The following ITGBL1 variants were observed in gnomAD, a reference collection of about 807,000 sequenced individuals.
ITGBL1 encodes the protein integrin beta-like protein 1.
A neutral mutation model predicts 68.5 loss-of-function variants in ITGBL1; 51 were observed. The ratio of observed to expected loss-of-function variants is 0.74; its 90% CI spans 0.59 to 0.94. The LOEUF is 0.94. Among genes scored for constraint, ITGBL1 ranks in the 40% least tolerant of loss-of-function variants. The pLI, the probability that ITGBL1 is intolerant of heterozygous loss-of-function variation, is 0.00. For missense variants in ITGBL1, 649 were observed against 647.4 expected (o/e 1.00, Z -0.03); for synonymous variants, 209 against 227.3 (o/e 0.92, Z 0.72).
downstream of ITGBL1, chr13:101,716,471 T>C (rs1017261546): frequency 1.3e-5 from 2 of 152,174 alleles, no homozygotes; most frequent in Non-Finnish European, 2.9e-5. Flanking sequence ...ATATATCTAC[T>C]GATAATTAAA....
intron 10 of ITGBL1, chr13:101,715,315 G>T: frequency 2.4e-6 from 1 of 422,084 alleles, no homozygotes; most frequent in Non-Finnish European, 4.3e-6. Flanking sequence ...AAGCCTAGCT[G>T]GAGTGATACA....
At position 101,710,003 on chromosome 13, in the gene ITGBL1, A is replaced by G. The variant is rs2034388781; in HGVS notation, c.1279+3101A>G. On this transcript the variant is annotated intron_variant, in intron 9 of 10. Coordinates refer to ENST00000376180, the MANE Select transcript of ITGBL1 (RefSeq NM_004791.3). ...ATGTAGAAAATACAAAGAAAAAAAT[A>G]GGTTGACTAAATATTGACTCAAAGG... 1.3e-5 allele frequency among the ~76,000 whole-genome samples: 2 copies of G among 152,270 alleles called. 1 individual carries two copies. The highest frequency in any genetic ancestry group is 4.1e-4 in the South Asian group (2 of 4,834).
chr13:101,506,497 T>C (rs2049029153), intron 2 of ITGBL1, among the ~76,000 whole-genome samples: 1 of 152,104 alleles, frequency 6.6e-6, no homozygotes, highest in African/African-American at 2.4e-5. Context: ...CTTAGAAGAT[T>C]TGCCAAGTAT....
At chr13:101,673,019 G>A (rs867010277) in intron 7 of ITGBL1, among the ~76,000 whole-genome samples, 5 of 152,186 alleles carry the variant, frequency 3.3e-5, no homozygotes, top group Non-Finnish European at 5.9e-5. Context: ...CCTGATGTTT[G>A]AGCCACACGG....
At position 101,509,252 on chromosome 13, in the gene ITGBL1, AC is replaced by A. The variant is rs1329068208; in HGVS notation, c.316+55153del. Among the ~76,000 whole-genome samples, 3 of 152,230 alleles carry A rather than the reference AC, an allele frequency of 2.0e-5. No homozygotes were observed. In the East Asian group the frequency reaches 5.8e-4, roughly 29 times the overall value. ...CCATCAGATCTCATGAGACTCATTC[AC>A]GATCATCAGAATAGCACAGGAAAGA... is the stretch of plus-strand genomic sequence containing the variant. On this transcript the variant is annotated intron_variant, in intron 2 of 10. Coordinates refer to ENST00000376180, the MANE Select transcript of ITGBL1 (RefSeq NM_004791.3).
At chr13:101,587,934 A>G (rs927331058) in intron 6 of ITGBL1, among the ~76,000 whole-genome samples, 1 of 149,994 alleles carries the variant, frequency 6.7e-6, no homozygotes, top group African/African-American at 2.5e-5. Context: ...ATGTTAACAG[A>G]CGATTCAAAT....
rs1257760938 is a variant in ITGBL1 at position 101,604,871 on chromosome 13, T to C, written c.1015+6572T>C. Among the ~76,000 whole-genome samples the C allele has an allele frequency of 1.2e-3, 28 of 23,476 alleles. 1 individual carries two copies. The South Asian group carries it at 0.016, about 13-fold the overall frequency. The allele number at this position is 23,476 out of a possible 152,430, so 15.4% of individuals were successfully genotyped here. A position where few individuals can be genotyped will look rare whatever the true frequency, so the allele number is the denominator to read the frequency against. On this transcript the variant is annotated intron_variant, in intron 7 of 10. Transcript: ENST00000376180. ...ATATATATATATATATATATATATA[T>C]ATATATATATATATATACACACACA...
At chr13:101,569,636 T>A (rs1270307947) in intron 3 of ITGBL1, among the ~76,000 whole-genome samples, 2 of 152,190 alleles carry the variant, frequency 1.3e-5, no homozygotes, top group African/African-American at 2.4e-5. Flanking sequence ...ACTTTGGCTT[T>A]AGAGCATTGA....
intron 2 of ITGBL1, among the ~76,000 whole-genome samples, chr13:101,551,522 G>C (rs992183576): frequency 2.6e-5 from 4 of 152,176 alleles, no homozygotes; most frequent in African/African-American, 9.7e-5. Context: ...GGATCAGGAA[G>C]GAAGTTCAGG....
intron 7 of ITGBL1, among the ~76,000 whole-genome samples, chr13:101,679,206 G>A (rs866192029): frequency 3.3e-5 from 5 of 152,016 alleles, no homozygotes; most frequent in East Asian, 1.9e-4. Flanking sequence ...GCGCCTGGCC[G>A]AGAAACACTT....
At chr13:101,607,924 C>G (rs1436024066) in intron 7 of ITGBL1, among the ~76,000 whole-genome samples, 3 of 152,026 alleles carry the variant, frequency 2.0e-5, no homozygotes, top group Non-Finnish European at 4.4e-5. Flanking sequence ...GTCCTTGTGT[C>G]TAAGTCATCC....
rs763662154 is a variant in ITGBL1 at position 101,583,297 on chromosome 13, A to C, written c.809A>C (p.Glu270Ala). 5 of 1,613,258 alleles carry C rather than the reference A, an allele frequency of 3.1e-6. No individual in the cohort carries two copies. Among genetic ancestry groups the C allele is most frequent in the Non-Finnish European group, 4.2e-6 (5 of 1,179,674 alleles). Residue 270 changes from glutamate to alanine, a missense_variant, in exon 6 of 11, where the codon GAA becomes GCA. Transcript: ENST00000376180. ...GGAGATATTCATGGGGACACCTGTG[A>C]ATGTGATGAGAGGGACTGTAGAGCT... ...DWGDIHGDTCECDERDCRAVY... is the reference protein window; with the variant it reads ...DWGDIHGDTCACDERDCRAVY...
chr13:101,568,534 C>T (rs923736210), intron 3 of ITGBL1, among the ~76,000 whole-genome samples: 14 of 152,048 alleles, frequency 9.2e-5, no homozygotes, highest in African/African-American at 3.1e-4. Context: ...ATCAGCATCC[C>T]AAGGAGAAAG....
At chr13:101,593,364 C>T (rs1384837875) in intron 6 of ITGBL1, among the ~76,000 whole-genome samples, 1 of 151,914 alleles carries the variant, frequency 6.6e-6, no homozygotes. Context: ...TATGGAGGTT[C>T]CTCCAAAAAT....
rs1286409831 is a variant in ITGBL1 at position 101,452,772 on chromosome 13, C to T, written c.-62C>T. 1.4e-6 allele frequency: 2 copies of T among 1,384,402 alleles called. No individual in the cohort carries two copies. The highest frequency in any genetic ancestry group is 2.1e-6 in the Non-Finnish European group (2 of 972,334). The allele number at this position is 1,384,402 out of a possible 1,614,324, so 85.8% of individuals were successfully genotyped here. ...TGGTGGCACCTCTCCCTCCTGCCGC[C>T]TCCCTCGGTGAACCCCACCTTGCAG... On this transcript the variant is annotated 5_prime_UTR_variant, in exon 1 of 11. Transcript: ENST00000376180.
chr13:101,700,261 C>T (rs919286260), intron 8 of ITGBL1, among the ~76,000 whole-genome samples: 2 of 152,176 alleles, frequency 1.3e-5, no homozygotes, highest in South Asian at 4.1e-4. Context: ...AGTGCCCCTA[C>T]CCAATAAACA....
chr13:101,553,974 A>G (rs1409089569), intron 2 of ITGBL1, among the ~76,000 whole-genome samples: 2 of 151,916 alleles, frequency 1.3e-5, no homozygotes, highest in African/African-American at 2.4e-5. Flanking sequence ...GGTTTTCTCC[A>G]TGTTGGTCAG....
intron 2 of ITGBL1, among the ~76,000 whole-genome samples, chr13:101,456,792 G>A (rs1486802853): frequency 1.3e-5 from 2 of 152,180 alleles, no homozygotes; most frequent in South Asian, 4.1e-4. Context: ...GCATGTGCCT[G>A]TAATCCCAGC....
intron 2 of ITGBL1, among the ~76,000 whole-genome samples, chr13:101,472,742 T>C (rs1439096995): frequency 6.6e-6 from 1 of 152,208 alleles, no homozygotes; most frequent in East Asian, 1.9e-4. Flanking sequence ...TGAGGAACTT[T>C]AATTCCTTTA....
Sources: gnomAD v4.1 joint callset for allele counts (sites outside exome capture counted in the v4.1 genomes callset) on GRCh38, gnomAD v4.1.1 for gene constraint, MANE v1.5 for transcripts, NCBI Gene and HGNC (gene_info 2026-07-23, HGNC 2026-07-21) for gene names.